SP140L: variants seen among roughly 807,000 people sequenced by gnomAD.
SP140L encodes the protein nuclear body protein SP140-like protein.
Under a neutral mutation model 84.3 loss-of-function variants are expected in SP140L, and 64 were observed. The ratio of observed to expected loss-of-function variants is 0.76; its 90% confidence interval spans 0.62 to 0.94. The LOEUF (loss-of-function observed/expected upper bound fraction) is 0.94, where lower values mean the gene tolerates loss of function less well. Among genes scored for constraint, SP140L ranks in the 40% least tolerant of loss-of-function variants. The probability of loss-of-function intolerance (pLI) is 0.00; values close to 1 mark genes in which losing one functional copy is unlikely to be tolerated. For synonymous variants in SP140L, 242 were observed against 236.9 expected (o/e 1.02, Z -0.20); for missense variants, 628 against 692.5 (o/e 0.91, Z 1.05).
intron 8 of SP140L, among the ~76,000 whole-genome samples, chr2:230,384,672 G>A (rs1215558599): frequency 6.6e-6 from 1 of 152,170 alleles, no homozygotes; most frequent in East Asian, 1.9e-4. Context: ...CAACACTTTG[G>A]GAGGCTGAGG....
chr2:230,374,749 A>G (rs936498541), intron 7 of SP140L, among the ~76,000 whole-genome samples: 3 of 152,338 alleles, frequency 2.0e-5, no homozygotes, highest in East Asian at 3.9e-4. Flanking sequence ...GAAGGCTCAA[A>G]TGATTGTGAG....
At chr2:230,335,323 A>G (rs2059837359) in intron 2 of SP140L, among the ~76,000 whole-genome samples, 1 of 152,200 alleles carries the variant, frequency 6.6e-6, no homozygotes, top group East Asian at 1.9e-4. Flanking sequence ...TTTCTAATAA[A>G]TGCATGTTAG....
chr2:230,367,179 CTTATAG>C (rs761610835), intron 5 of SP140L, among the ~76,000 whole-genome samples: 4 of 151,950 alleles, frequency 2.6e-5, no homozygotes, highest in African/African-American at 7.3e-5. Flanking sequence ...CAAAAAATAT[CTTATAG>C]TTATAATAGG....
Position 230,388,648 on chromosome 2 carries a change from A to G in SP140L, c.859+15A>G. 6.3e-7 allele frequency: 1 copy of G among 1,591,572 alleles called. No individual in the cohort carries two copies. The highest frequency in any genetic ancestry group is 1.2e-5 in the South Asian group (1 of 86,748). On this transcript the variant is annotated intron_variant, in intron 10 of 18. Transcript: ENST00000415673. ...CCGATCAAGAGGTAAAAAAGAAAAG[A>G]GGAATGCACTTTCAATAACTAAACA...
chr2:230,342,466 G>A (rs542274022), intron 2 of SP140L, among the ~76,000 whole-genome samples: 91 of 152,310 alleles, frequency 6.0e-4, no homozygotes, highest in African/African-American at 5.5e-4. Flanking sequence ...CGTCGCTCAC[G>A]CTGGGAGCTG....
chr2:230,366,877 C>T (rs983186010), intron 5 of SP140L, among the ~76,000 whole-genome samples: 12 of 151,948 alleles, frequency 7.9e-5, no homozygotes, highest in East Asian at 1.9e-4. Flanking sequence ...GGACTACAGG[C>T]GCATGCCACC....
Position 230,357,972 on chromosome 2 carries a change from G to C in SP140L, c.270+5G>C. On this transcript the variant is annotated splice_donor_5th_base_variant and intron_variant, in intron 3 of 18. Coordinates refer to ENST00000415673, the MANE Select transcript of SP140L (RefSeq NM_138402.6). Reference sequence around the variant, plus strand: ...ATCACAAATAAAATGTTTGAAGTAAGTAAAGTTTATTTCACAACCTGGCAG... The same window carrying C: ...ATCACAAATAAAATGTTTGAAGTAACTAAAGTTTATTTCACAACCTGGCAG... The C allele has an allele frequency of 6.2e-7, 1 of 1,612,464 alleles. No individual in the cohort carries two copies. The highest frequency in any genetic ancestry group is 8.5e-7 in the Non-Finnish European group (1 of 1,179,368).
intron 11 of SP140L, 84 bp from the exon 12 acceptor site, chr2:230,392,003 G>A: frequency 6.4e-7 from 1 of 1,572,948 alleles, no homozygotes; most frequent in Non-Finnish European, 8.7e-7. Flanking sequence ...AAATTGGGTG[G>A]CTCTAGATCC....
At chr2:230,374,313 C>T (rs1221953441) in intron 7 of SP140L, among the ~76,000 whole-genome samples, 2 of 135,884 alleles carry the variant, frequency 1.5e-5, no homozygotes, top group Non-Finnish European at 1.6e-5. Context: ...AAGACTCCAT[C>T]TCAAAAAAAA....
chr2:230,400,184 G>A lies in SP140L; in HGVS notation c.1255G>A (p.Asp419Asn), dbSNP rs747016700. The change falls in exon 15 of 19, where the codon GAC (aspartate) becomes AAC (asparagine). Residue 419 changes from aspartate (D) to asparagine (N), a missense_variant. By Grantham distance (23) the Asp-to-Asn change is conservative. Coordinates refer to ENST00000415673, the MANE Select transcript of SP140L (RefSeq NM_138402.6). Reference protein sequence around the residue: ...CRDGGELFCCDTCSRVFHEDC... With the variant: ...CRDGGELFCCNTCSRVFHEDC... The stretch of plus-strand genomic sequence containing the variant: ...GGACGGAGGGGAGCTGTTCTGTTGC[G>A]ACACTTGTTCAAGAGTCTTCCATGA... 3.5e-5 allele frequency: 56 copies of A among 1,614,030 alleles called. No homozygotes were observed. The highest frequency in any genetic ancestry group is 1.8e-4 in the East Asian group (8 of 44,892).
Position 230,403,133 on chromosome 2 carries a change from A to G in SP140L, c.*237A>G, listed in dbSNP as rs1246498220. 3 of 452,348 alleles carry G rather than the reference A, an allele frequency of 6.6e-6. No homozygotes were observed. In the East Asian group the frequency reaches 1.3e-4, roughly 20 times the overall value. 28.0% of individuals were successfully genotyped at this position (452,348 alleles called of 1,614,324 possible). On this transcript the variant is annotated 3_prime_UTR_variant, in exon 19 of 19. Transcript: ENST00000415673. The stretch of plus-strand genomic sequence containing the variant: ...AGGGAAGGAGATTGGAGGTGATACC[A>G]GCACAGACAGACTCTCACCTCTTCT...
At chr2:230,390,062 T>A (rs775058027) in intron 11 of SP140L, 39 bp downstream of exon 11, 9 of 1,535,510 alleles carry the variant, frequency 5.9e-6, no homozygotes, top group Non-Finnish European at 8.1e-6. Context: ...AGCTCCTATC[T>A]GAAGGCATCA....
intron 2 of SP140L, among the ~76,000 whole-genome samples, chr2:230,335,337 A>G (rs2059837825): frequency 6.6e-6 from 1 of 152,228 alleles, no homozygotes; most frequent in Non-Finnish European, 1.5e-5. Flanking sequence ...ATGTTAGGCC[A>G]TGAATATTCA....
chr2:230,400,454 T>G (rs957368254), intron 15 of SP140L: 19 of 564,784 alleles, frequency 3.4e-5, no homozygotes, highest in African/African-American at 2.8e-4. Context: ...TCCTCTGATA[T>G]GCTGAGGCCA....
At chr2:230,376,860 AAAAC>A (rs2061255465) in intron 7 of SP140L, among the ~76,000 whole-genome samples, 1 of 152,210 alleles carries the variant, frequency 6.6e-6, no homozygotes, top group Non-Finnish European at 1.5e-5. Context: ...TGCTGGCATA[AAAAC>A]ACACATAAAC....
chr2:230,377,845 A>C (rs1042956891), intron 7 of SP140L, among the ~76,000 whole-genome samples: 1 of 73,448 alleles, frequency 1.4e-5, no homozygotes, highest in East Asian at 2.3e-4. Context: ...TAAAGTCTAC[A>C]TTTACCATTT....
intron 2 of SP140L, among the ~76,000 whole-genome samples, chr2:230,341,280 G>T (rs903500509): frequency 9.7e-5 from 14 of 143,770 alleles, no homozygotes; most frequent in Non-Finnish European, 1.4e-4. Context: ...CCAGTTGATC[G>T]CATCGGCTCC....
At chr2:230,348,154 G>A (rs2060265734) in intron 2 of SP140L, among the ~76,000 whole-genome samples, 1 of 152,218 alleles carries the variant, frequency 6.6e-6, no homozygotes, top group Non-Finnish European at 1.5e-5. Flanking sequence ...CACTTTGCCA[G>A]CCTTGGGGAG....
intron 5 of SP140L, among the ~76,000 whole-genome samples, chr2:230,364,351 T>G (rs1385528950): frequency 1.3e-5 from 2 of 152,058 alleles, no homozygotes; most frequent in Non-Finnish European, 2.9e-5. Flanking sequence ...CATTTTAGAG[T>G]TTTCAGTGTA....
Sources: gnomAD v4.1 joint callset for allele counts (sites outside exome capture counted in the v4.1 genomes callset) on GRCh38, gnomAD v4.1.1 for gene constraint, MANE v1.5 for transcripts, NCBI Gene and HGNC (gene_info 2026-07-23, HGNC 2026-07-21) for gene names.